NFKBIE: variants seen among roughly 807,000 people sequenced by gnomAD.
NFKBIE encodes NFKB inhibitor epsilon.
A neutral mutation model predicts 31.6 loss-of-function variants in NFKBIE; 11 were observed. The observed-to-expected ratio is 0.35, with a 90% CI of 0.22 to 0.58. The LOEUF is 0.58. Among genes scored for constraint, NFKBIE ranks in the 20% least tolerant of loss-of-function variants. The pLI is 0.83. For synonymous variants in NFKBIE, 208 were observed against 210.1 expected, an observed-to-expected ratio of 0.99 and a Z score of 0.09; for missense variants, 354 against 465.7, an observed-to-expected ratio of 0.76 and a Z score of 2.21.
At position 44,260,731 on chromosome 6, in the gene NFKBIE, C is replaced by A. The variant is rs1175054377; in HGVS notation, c.692-192G>T. ...GGGGAAAGGAACTCAAAGTTTCCAC[C>A]TTTTCAGAGTCATGTTATTGAAACT... On this transcript the variant is annotated intron_variant, in intron 3 of 5. Coordinates refer to ENST00000619360, the MANE Select transcript of NFKBIE (RefSeq NM_004556.3). This position sits in a 1 kb window ranked among gnomAD's most constrained non-coding sequence, Gnocchi z 5.5. Among the ~76,000 whole-genome samples the A allele has an allele frequency of 2.0e-5, 3 of 152,000 alleles. No individual in the cohort carries two copies. Among genetic ancestry groups the A allele is most frequent in the Non-Finnish European group, 4.4e-5 (3 of 67,998 alleles).
rs191114581 is a variant in NFKBIE, at chr6:44,261,314, C to A, written c.691+312G>T. 2.6e-5 allele frequency among the ~76,000 whole-genome samples: 4 copies of A among 152,332 alleles called. No individual in the cohort carries two copies. The East Asian group carries it at 7.7e-4, about 29-fold the overall frequency. On this transcript the variant is annotated intron_variant, in intron 3 of 5. Transcript: ENST00000619360. The surrounding 1 kb of genome is among the most constrained non-coding windows in gnomAD (Gnocchi z 4.3). ...GATGCAAGTGTAGCTCCTAGGATAA[C>A]GTCTGGCACATAGAAAACCCTCAGT... is the stretch of plus-strand genomic sequence containing the variant.
intron 5 of NFKBIE, 48 bp downstream of exon 5, chr6:44,259,995 C>T: frequency 6.3e-7 from 1 of 1,590,452 alleles, no homozygotes; most frequent in East Asian, 2.3e-5. Flanking sequence ...GAACCTCTCT[C>T]TGCTATGGGT....
Position 44,265,435 on chromosome 6 carries a change from T to G in NFKBIE, c.-89A>C. On this transcript the variant is annotated 5_prime_UTR_variant, in exon 1 of 6. Transcript: ENST00000619360. ...CGCCTTTCCGGGTTGCGGGTCCGCT[T>G]GGCAGAGCGGGCGCCCGGCCCGCGG... 1.3e-6 allele frequency: 2 copies of G among 1,526,160 alleles called. No individual in the cohort carries two copies. The highest frequency in any genetic ancestry group is 1.7e-6 in the Non-Finnish European group (2 of 1,143,734). The allele number at this position is 1,526,160 out of a possible 1,614,324, so 94.5% of individuals were successfully genotyped here.
At position 44,261,557 on chromosome 6, in the gene NFKBIE, TGA is replaced by T. The variant is rs775541956; in HGVS notation, c.691+67_691+68del. ...GCTGGGACCCTCCCTTCCCCAAGAG[TGA>T]GGTCCCTATCTCCTATGCCCTCCTC... On this transcript the variant is annotated intron_variant, in intron 3 of 5. Transcript: ENST00000619360. This position sits in a 1 kb window ranked among gnomAD's most constrained non-coding sequence, Gnocchi z 4.3. 25 of 1,518,156 alleles carry T rather than the reference TGA, an allele frequency of 1.6e-5. No individual in the cohort carries two copies. The highest frequency in any genetic ancestry group is 2.3e-5 in the Non-Finnish European group (25 of 1,104,236). The allele number at this position is 1,518,156 out of a possible 1,614,324, so 94.0% of individuals were successfully genotyped here.
rs1250950110 is a variant in NFKBIE, at chr6:44,260,454, C to T, written c.777G>A (p.Val259=). 7 of 1,614,064 alleles carry T rather than the reference C, an allele frequency of 4.3e-6. No homozygotes were observed. Among genetic ancestry groups the T allele is most frequent in the Non-Finnish European group, 5.9e-6 (7 of 1,180,036 alleles). Reference sequence around the variant, plus strand: ...AGTGCTTTGCTGGCTGTCTCACCTGCACATCAATGTCAGCTCCATTCCGAA... The same window carrying T: ...AGTGCTTTGCTGGCTGTCTCACCTGTACATCAATGTCAGCTCCATTCCGAA... ...LLLRNGADID[V]QEGTSGKTAL... The change falls in exon 4 of 6, where the codon GTG becomes GTA. Residue 259 remains valine, a synonymous_variant. Coordinates refer to ENST00000619360, the MANE Select transcript of NFKBIE (RefSeq NM_004556.3). The surrounding 1 kb of genome is among the most constrained non-coding windows in gnomAD (Gnocchi z 5.5).
chr6:44,265,093 A>G lies in NFKBIE; in HGVS notation c.254T>C (p.Leu85Pro), dbSNP rs1183880003. 1.9e-6 allele frequency: 3 copies of G among 1,557,938 alleles called. No homozygotes were observed. The highest frequency in any genetic ancestry group is 2.6e-6 in the Non-Finnish European group (3 of 1,149,786). The change falls in exon 1 of 6, where the codon CTG becomes CCG. Residue 85 changes from leucine (L) to proline (P), a missense_variant. Physicochemically the swap from Leu to Pro is moderately conservative, Grantham distance 98. This residue lies in a region of NFKBIE where 171 missense variants were observed against 155.1 expected (regional missense o/e 1.10). Coordinates refer to ENST00000619360, the MANE Select transcript of NFKBIE (RefSeq NM_004556.3). ...CGGGTCCTCAGCCTCGGGGCCCCCC[A>G]GCAAGGACAGGGTGTAGGTGAGCGA... is the stretch of plus-strand genomic sequence containing the variant. Reference protein sequence around the residue: ...SSSLTYTLSLLGGPEAEDPAP... With the variant: ...SSSLTYTLSLPGGPEAEDPAP...
chr6:44,259,073 G>A lies in NFKBIE; in HGVS notation c.*146C>T, dbSNP rs1472543854. 1 of 768,886 alleles carries A rather than the reference G, an allele frequency of 1.3e-6. No individual in the cohort carries two copies. The highest frequency in any genetic ancestry group is 1.7e-5 in the African/African-American group (1 of 57,964). The allele number at this position is 768,886 out of a possible 1,614,324, so 47.6% of individuals were successfully genotyped here. On this transcript the variant is annotated 3_prime_UTR_variant, in exon 6 of 6. Transcript: ENST00000619360. ...TTGCAGTCCCTCCTCCTCGGCTCAG[G>A]ACTGTACTGGCTGGCCCCAGGCTCT...
rs1389753887 is a variant in NFKBIE, at chr6:44,265,013, C to T, written c.334G>A (p.Ala112Thr). ...CCGTCCTCGGAGATGTAAGTGAGTGCTTCCAGCTGCTGAGGGCTCAGCGCC... is the reference window on the plus strand; with the variant it reads ...CCGTCCTCGGAGATGTAAGTGAGTGTTTCCAGCTGCTGAGGGCTCAGCGCC... The part of the protein sequence containing the change: ...VGALSPQQLE[A>T]LTYISEDGDT... The change falls in exon 1 of 6, where the codon GCA (alanine) becomes ACA (threonine). Residue 112 changes from alanine to threonine, a missense_variant. Physicochemically the swap from Ala to Thr is moderately conservative, Grantham distance 58. Around this residue, in one of 2 missense-constraint regions of NFKBIE, gnomAD observed 171 missense variants for 155.1 expected, o/e 1.10. Transcript: ENST00000619360. 1.9e-6 allele frequency: 3 copies of T among 1,584,242 alleles called. No individual in the cohort carries two copies. Among genetic ancestry groups the T allele is most frequent in the Admixed American group, 3.7e-5 (2 of 54,612 alleles).
At chr6:44,259,568 T>G (rs2153330978) in intron 5 of NFKBIE, among the ~76,000 whole-genome samples, 1 of 148,828 alleles carries the variant, frequency 6.7e-6, no homozygotes, top group Non-Finnish European at 1.5e-5. Flanking sequence ...AGTTGTTTGT[T>G]GTTGTTGGGG....
Position 44,260,031 on chromosome 6 carries a change from T to C in NFKBIE, c.1020+12A>G, listed in dbSNP as rs1191849694. On this transcript the variant is annotated intron_variant, in intron 5 of 5. Coordinates refer to ENST00000619360, the MANE Select transcript of NFKBIE (RefSeq NM_004556.3). This position sits in a 1 kb window ranked among gnomAD's most constrained non-coding sequence, Gnocchi z 5.5. ...GTGCAAGGCCCTGGAGAGCAAAGCA[T>C]ATGCCACTTACTTCCTCAGTCAGGT... is the stretch of plus-strand genomic sequence containing the variant. The C allele has an allele frequency of 2.5e-6, 4 of 1,612,070 alleles. No homozygotes were observed. The Admixed American group carries it at 6.7e-5, about 27-fold the overall frequency.
At position 44,261,057 on chromosome 6, in the gene NFKBIE, C is replaced by T. The variant is rs571099082; in HGVS notation, c.692-518G>A. 3.9e-5 allele frequency among the ~76,000 whole-genome samples: 6 copies of T among 152,210 alleles called. No individual in the cohort carries two copies. In the South Asian group the frequency reaches 6.2e-4, roughly 16 times the overall value. ...GACCCTTGCTTAGTAATAGAGATTT[C>T]GATTCAAATTTACATTCTTCACCTT... On this transcript the variant is annotated intron_variant, in intron 3 of 5. Coordinates refer to ENST00000619360, the MANE Select transcript of NFKBIE (RefSeq NM_004556.3). The surrounding 1 kb of genome is among the most constrained non-coding windows in gnomAD (Gnocchi z 4.3).
At position 44,259,279 on chromosome 6, in the gene NFKBIE, A is replaced by C; in HGVS notation, c.1026T>G (p.Leu342=). 6.2e-7 allele frequency: 1 copy of C among 1,612,598 alleles called. No individual in the cohort carries two copies. Among genetic ancestry groups the C allele is most frequent in the Non-Finnish European group, 8.5e-7 (1 of 1,178,826 alleles). ...TCAGGTCATCAAAGGGCAAAAGGAC[A>C]AGGGACTGAGAAGGAGAATGGAGAG... The part of the protein sequence containing the change: ...ETPQDLTEES[L]VLLPFDDLKI... Residue 342 remains leucine (L), a synonymous_variant, in exon 6 of 6, where the codon CTT becomes CTG. Transcript: ENST00000619360.
rs2153332350 is a variant in NFKBIE, at chr6:44,261,955, G to A, written c.469-107C>T. 1.1e-6 allele frequency: 1 copy of A among 929,546 alleles called. No homozygotes were observed. The highest frequency in any genetic ancestry group is 2.7e-5 in the African/African-American group (1 of 37,586). The allele number at this position is 929,546 out of a possible 1,614,324, so 57.6% of individuals were successfully genotyped here. A position where few individuals can be genotyped will look rare whatever the true frequency, so the allele number is the denominator to read the frequency against. On this transcript the variant is annotated intron_variant, in intron 2 of 5. Coordinates refer to ENST00000619360, the MANE Select transcript of NFKBIE (RefSeq NM_004556.3). This position sits in a 1 kb window ranked among gnomAD's most constrained non-coding sequence, Gnocchi z 4.3. The stretch of plus-strand genomic sequence containing the variant: ...GCTGCCAGCATCTTCTTTGAAAGCA[G>A]CTTATAAAGGCCATAACCTGTTCTT...
At position 44,260,826 on chromosome 6, in the gene NFKBIE, A is replaced by AACACAC. The variant is rs369958691; in HGVS notation, c.692-293_692-288dup. Among the ~76,000 whole-genome samples the AACACAC allele has an allele frequency of 0.011, 1,334 of 119,152 alleles. 10 individuals are homozygous for AACACAC. The highest frequency in any genetic ancestry group is 0.025 in the East Asian group (90 of 3,648). The allele number at this position is 119,152 out of a possible 152,430, so 78.2% of individuals were successfully genotyped here. On this transcript the variant is annotated intron_variant, in intron 3 of 5. Transcript: ENST00000619360. This position sits in a 1 kb window ranked among gnomAD's most constrained non-coding sequence, Gnocchi z 5.5. ...CACCCTCCTCCTATACACAAACTAC[A>AACACAC]ACACACACACACACACACACACACA... is the stretch of plus-strand genomic sequence containing the variant.
chr6:44,264,071 A>T (rs1183242324), intron 1 of NFKBIE, among the ~76,000 whole-genome samples: 1 of 152,024 alleles, frequency 6.6e-6, no homozygotes, highest in Non-Finnish European at 1.5e-5. Flanking sequence ...ATCTCCAAAA[A>T]GCAGGTTAGG....
chr6:44,260,860 GAC>G lies in NFKBIE; in HGVS notation c.692-323_692-322del, dbSNP rs71547856. On this transcript the variant is annotated intron_variant, in intron 3 of 5. Transcript: ENST00000619360. The surrounding 1 kb of genome is among the most constrained non-coding windows in gnomAD (Gnocchi z 5.5). ...ACACACACACACACACACACATACA[GAC>G]ACACACACACACACACACACACACA... Among the ~76,000 whole-genome samples, 52,412 of 135,234 alleles carry G rather than the reference GAC, an allele frequency of 0.39. 10,778 individuals carry two copies. Among genetic ancestry groups the G allele is most frequent in the Non-Finnish European group, 0.47 (29,972 of 63,116 alleles). The allele number at this position is 135,234 out of a possible 152,430, so 88.7% of individuals were successfully genotyped here. A position where few individuals can be genotyped will look rare whatever the true frequency, so the allele number is the denominator to read the frequency against.
At position 44,260,092 on chromosome 6, in the gene NFKBIE, G is replaced by A. The variant is rs1343499167; in HGVS notation, c.971C>T (p.Ser324Phe). The A allele has an allele frequency of 1.9e-6, 3 of 1,614,228 alleles. No individual in the cohort carries two copies. The highest frequency in any genetic ancestry group is 2.2e-5 in the East Asian group (1 of 44,878). ...SSTLCKAGADSLLRNVEDETP... is the reference protein window; with the variant it reads ...SSTLCKAGADFLLRNVEDETP... Reference sequence around the variant, plus strand: ...CTCATCCTCCACATTCCGCAGCAGGGAGTCAGCACCCGCCTTGCACAGAGT... The same window carrying A: ...CTCATCCTCCACATTCCGCAGCAGGAAGTCAGCACCCGCCTTGCACAGAGT... The change falls in exon 5 of 6, where the codon TCC (serine) becomes TTC (phenylalanine). Residue 324 changes from serine to phenylalanine, a missense_variant. Physicochemically the swap from Ser to Phe is radical, Grantham distance 155. Around this residue, in one of 2 missense-constraint regions of NFKBIE, gnomAD observed 183 missense variants for 310.6 expected, o/e 0.59. Coordinates refer to ENST00000619360, the MANE Select transcript of NFKBIE (RefSeq NM_004556.3). This position sits in a 1 kb window ranked among gnomAD's most constrained non-coding sequence, Gnocchi z 5.5.
chr6:44,260,055 G>A lies in NFKBIE; in HGVS notation c.1008C>T (p.Asp336=). The A allele has an allele frequency of 1.2e-6, 2 of 1,613,814 alleles. No individual in the cohort carries two copies. The highest frequency in any genetic ancestry group is 1.7e-6 in the Non-Finnish European group (2 of 1,179,736). Residue 336 remains aspartate, a synonymous_variant, in exon 5 of 6, where the codon GAC becomes GAT. Transcript: ENST00000619360. The surrounding 1 kb of genome is among the most constrained non-coding windows in gnomAD (Gnocchi z 5.5). ...LRNVEDETPQ[D]LTEESLVLLP... The stretch of plus-strand genomic sequence containing the variant: ...ATATGCCACTTACTTCCTCAGTCAG[G>A]TCCTGGGGCGTCTCATCCTCCACAT...
rs192535678 is a variant in NFKBIE, at chr6:44,262,233, T to C, written c.468+327A>G. Among the ~76,000 whole-genome samples, 64 of 152,320 alleles carry C rather than the reference T, an allele frequency of 4.2e-4. 1 individual carries two copies. Among genetic ancestry groups the C allele is most frequent in the African/African-American group, 1.5e-3 (62 of 41,556 alleles). On this transcript the variant is annotated intron_variant, in intron 2 of 5. Coordinates refer to ENST00000619360, the MANE Select transcript of NFKBIE (RefSeq NM_004556.3). ...GCAGTCTCTCCCTGGCAAAACTCTC[T>C]GTTAGGCTCCATTCAGATGGCATCT...
Sources: gnomAD v4.1 joint callset for allele counts (sites outside exome capture counted in the v4.1 genomes callset) on GRCh38, gnomAD v4.1.1 for gene constraint, gnomAD v4.1.1 regional missense constraint, Gnocchi (gnomAD v3.1) non-coding constraint, MANE v1.5 for transcripts, NCBI Gene and HGNC (gene_info 2026-07-23, HGNC 2026-07-21) for gene names.